The following CACNA2D3 variants were observed in gnomAD, a reference collection of about 807,000 sequenced individuals.
The protein encoded by CACNA2D3 is calcium voltage-gated channel auxiliary subunit alpha2delta 3.
A neutral mutation model predicts 160.6 loss-of-function variants in CACNA2D3; 60 were observed. The ratio of observed to expected loss-of-function variants is 0.37; its 90% CI spans 0.30 to 0.46. CACNA2D3 has a LOEUF of 0.46. CACNA2D3 is among the 20% of genes least tolerant of loss of function. The pLI, the probability that CACNA2D3 is intolerant of heterozygous loss-of-function variation, is 1.00. For missense variants in CACNA2D3, 1,205 were observed against 1,365.0 expected (o/e 0.88, Z 1.85); for synonymous variants, 558 against 492.9 (o/e 1.13, Z -1.75).
intron 4 of CACNA2D3, among the ~76,000 whole-genome samples, chr3:54,460,431 T>A (rs1165424400): frequency 6.6e-6 from 1 of 152,208 alleles, no homozygotes; most frequent in Non-Finnish European, 1.5e-5. Context: ...TCCATTTGTT[T>A]GTATCCTCAT....
chr3:55,002,405 C>G lies in CACNA2D3; in HGVS notation c.2691-2358C>G, dbSNP rs562727857. ...CCCTTGCAGGGGTACCTGTAGAAAT[C>G]TCCTGAGTGAGGATGGAGATGGTGG... is the stretch of plus-strand genomic sequence containing the variant. On this transcript the variant is annotated intron_variant, in intron 31 of 37. Transcript: ENST00000474759. Among the ~76,000 whole-genome samples, 3 of 152,308 alleles carry G rather than the reference C, an allele frequency of 2.0e-5. No individual in the cohort carries two copies. In the South Asian group the frequency reaches 6.2e-4, roughly 32 times the overall value.
intron 4 of CACNA2D3, among the ~76,000 whole-genome samples, chr3:54,456,222 C>T (rs1296187735): frequency 6.6e-6 from 1 of 151,774 alleles, no homozygotes; most frequent in Non-Finnish European, 1.5e-5. Flanking sequence ...GTGTGTCTTC[C>T]TGATTTCTTT....
chr3:55,018,351 C>A, intron 35 of CACNA2D3, 34 bp downstream of exon 35: 1 of 1,314,606 alleles, frequency 7.6e-7, no homozygotes, highest in South Asian at 1.2e-5. Context: ...ACCCCCTACA[C>A]CTTTCTGCTC....
intron 35 of CACNA2D3, among the ~76,000 whole-genome samples, chr3:55,054,287 G>A (rs1317291571): frequency 6.6e-6 from 1 of 151,356 alleles, no homozygotes; most frequent in Non-Finnish European, 1.5e-5. Flanking sequence ...TAGACTACTT[G>A]GTACTATTTT....
chr3:54,736,052 C>CATATATATATGTATATATATACATAT (rs201221924), intron 11 of CACNA2D3, among the ~76,000 whole-genome samples: 1 of 47,262 alleles, frequency 2.1e-5, no homozygotes, highest in African/African-American at 9.0e-5. Flanking sequence ...TATACACATA[C>CATATATATATGTATATATATACATAT]ATATGTATGT....
chr3:54,768,412 G>T (rs1486731021), intron 13 of CACNA2D3, among the ~76,000 whole-genome samples: 1 of 152,186 alleles, frequency 6.6e-6, no homozygotes, highest in Non-Finnish European at 1.5e-5. Flanking sequence ...GCATTAATAT[G>T]ATGCCTTGCT....
At chr3:54,695,218 A>G (rs1328184049) in intron 11 of CACNA2D3, among the ~76,000 whole-genome samples, 1 of 152,070 alleles carries the variant, frequency 6.6e-6, no homozygotes, top group African/African-American at 2.4e-5. Flanking sequence ...GGGTTTTACC[A>G]TGTTGGCCAG....
chr3:54,479,175 C>G (rs1305296076), intron 4 of CACNA2D3, among the ~76,000 whole-genome samples: 1 of 152,120 alleles, frequency 6.6e-6, no homozygotes, highest in East Asian at 1.9e-4. Flanking sequence ...CTTTGCTCGG[C>G]ACTTCTCCTT....
Position 54,386,712 on chromosome 3 carries a change from T to TTTA in CACNA2D3, c.322-3_322-2insTTA, listed in dbSNP as rs398051961. 56 of 1,540,178 alleles carry TTTA rather than the reference T, an allele frequency of 3.6e-5. No homozygotes were observed. The highest frequency in any genetic ancestry group is 4.3e-5 in the Non-Finnish European group (49 of 1,148,114). ...GTCTTCTGTTTTTTTTTTTTTTTTT[T>TTTA]AGCGTCTGGTGGAGGCTGCAGAAGA... On this transcript the variant is annotated splice_region_variant and splice_polypyrimidine_tract_variant and intron_variant, in intron 3 of 37. Coordinates refer to ENST00000474759, the MANE Select transcript of CACNA2D3 (RefSeq NM_018398.3).
chr3:54,657,646 C>T (rs2106874952), intron 11 of CACNA2D3, among the ~76,000 whole-genome samples: 2 of 152,274 alleles, frequency 1.3e-5, no homozygotes, highest in African/African-American at 2.4e-5. Context: ...CTGTGACTAA[C>T]TTATTTCACT....
At chr3:54,209,519 A>G (rs1473679368) in intron 2 of CACNA2D3, among the ~76,000 whole-genome samples, 1 of 152,248 alleles carries the variant, frequency 6.6e-6, no homozygotes, top group Non-Finnish European at 1.5e-5. Flanking sequence ...CACGCATTAA[A>G]TTACATTTTC....
At chr3:54,991,220 G>C (rs116343223) in intron 31 of CACNA2D3, among the ~76,000 whole-genome samples, 1 of 150,652 alleles carries the variant, frequency 6.6e-6, no homozygotes, top group Non-Finnish European at 1.5e-5. Context: ...AAAAAGTGTC[G>C]AGTATTTTTT....
At chr3:54,456,110 A>T (rs528829217) in intron 4 of CACNA2D3, among the ~76,000 whole-genome samples, 11 of 152,212 alleles carry the variant, frequency 7.2e-5, no homozygotes, top group Admixed American at 7.2e-4. Flanking sequence ...TTTGATAGAG[A>T]TTGCATTGAA....
At chr3:54,613,573 T>C (rs1207848713) in intron 9 of CACNA2D3, among the ~76,000 whole-genome samples, 1 of 152,212 alleles carries the variant, frequency 6.6e-6, no homozygotes, top group Non-Finnish European at 1.5e-5. Flanking sequence ...TCCCATATTA[T>C]GAACCTACAG....
intron 3 of CACNA2D3, among the ~76,000 whole-genome samples, chr3:54,375,897 G>A (rs1056489657): frequency 6.6e-6 from 1 of 152,110 alleles, no homozygotes; most frequent in Non-Finnish European, 1.5e-5. Context: ...GAAACATGGG[G>A]TGTATTTTGG....
chr3:54,203,291 C>A lies in CACNA2D3; in HGVS notation c.204+79697C>A, dbSNP rs188932227. The stretch of plus-strand genomic sequence containing the variant: ...GCGATGGGGGTGTGGCTCGCTTCTT[C>A]ACTGCCTTGTTGCTCAAACCTCTAG... On this transcript the variant is annotated intron_variant, in intron 2 of 37. Coordinates refer to ENST00000474759, the MANE Select transcript of CACNA2D3 (RefSeq NM_018398.3). Among the ~76,000 whole-genome samples, 880 of 152,320 alleles carry A rather than the reference C, an allele frequency of 5.8e-3. 9 individuals are homozygous for A. The highest frequency in any genetic ancestry group is 9.9e-3 in the Non-Finnish European group (672 of 68,034).
chr3:54,668,886 G>A (rs1700113299), intron 11 of CACNA2D3, among the ~76,000 whole-genome samples: 1 of 152,212 alleles, frequency 6.6e-6, no homozygotes, highest in Admixed American at 6.5e-5. Context: ...TGCCTTCTGT[G>A]AGATAGCATT....
At chr3:54,686,208 A>G (rs927228808) in intron 11 of CACNA2D3, among the ~76,000 whole-genome samples, 2 of 152,158 alleles carry the variant, frequency 1.3e-5, no homozygotes, top group Non-Finnish European at 2.9e-5. Context: ...ATGCCCATTC[A>G]TTTACATATT....
intron 2 of CACNA2D3, among the ~76,000 whole-genome samples, chr3:54,158,279 G>A (rs902765781): frequency 3.3e-5 from 5 of 152,206 alleles, no homozygotes; most frequent in Non-Finnish European, 4.4e-5. Flanking sequence ...AGCTCCTTTT[G>A]TGAGCTATTT....
Sources: gnomAD v4.1 joint callset for allele counts (sites outside exome capture counted in the v4.1 genomes callset) on GRCh38, gnomAD v4.1.1 for gene constraint, MANE v1.5 for transcripts, NCBI Gene and HGNC (gene_info 2026-07-23, HGNC 2026-07-21) for gene names.